GAS7: variants seen among roughly 807,000 people sequenced by gnomAD.
The protein encoded by GAS7 is growth arrest-specific protein 7.
GAS7 carries 28 observed loss-of-function variants against 71.1 expected under a neutral mutation model. That is an observed-to-expected ratio of 0.39 (90% CI 0.29 to 0.54). The LOEUF (loss-of-function observed/expected upper bound fraction) is 0.54. GAS7 is among the 20% of genes least tolerant of loss of function. The pLI, the probability that GAS7 is intolerant of heterozygous loss-of-function variation, is 0.62. For missense variants in GAS7, 436 were observed against 627.8 expected (o/e 0.69, Z 3.27); for synonymous variants, 258 against 245.8 (o/e 1.05, Z -0.46).
intron 1 of GAS7, among the ~76,000 whole-genome samples, chr17:10,028,926 G>A (rs538793354): frequency 3.9e-5 from 6 of 152,300 alleles, no homozygotes; most frequent in African/African-American, 1.2e-4. Context: ...CATGGATACT[G>A]GGTGTTCCTG....
intron 1 of GAS7, among the ~76,000 whole-genome samples, chr17:10,020,909 T>C (rs1450588147): frequency 1.3e-5 from 2 of 152,002 alleles, no homozygotes; most frequent in South Asian, 2.1e-4. Flanking sequence ...TGAGAGTCCA[T>C]CTCAAAACAA....
chr17:10,159,775 T>G (rs917121566), intron 1 of GAS7, among the ~76,000 whole-genome samples: 1 of 144,504 alleles, frequency 6.9e-6, no homozygotes, highest in African/African-American at 2.6e-5. Flanking sequence ...ACTATACACA[T>G]GAAGTGTGAC....
At chr17:10,062,058 G>A (rs1002720825) in intron 1 of GAS7, among the ~76,000 whole-genome samples, 2 of 152,216 alleles carry the variant, frequency 1.3e-5, no homozygotes, top group Non-Finnish European at 2.9e-5. Context: ...ACACTGACCA[G>A]GCTTCAGTTG....
At chr17:9,982,862 A>AAGAAAGC (rs2070480061) in intron 2 of GAS7, among the ~76,000 whole-genome samples, 1 of 143,594 alleles carries the variant, frequency 7.0e-6, no homozygotes, top group Admixed American at 6.9e-5. Flanking sequence ...AGAAAGAAAG[A>AAGAAAGC]AAGAAAGCAA....
intron 1 of GAS7, among the ~76,000 whole-genome samples, chr17:10,060,523 C>T (rs2073208684): frequency 6.6e-6 from 1 of 152,156 alleles, no homozygotes; most frequent in African/African-American, 2.4e-5. Flanking sequence ...TTCTGTACAC[C>T]TGGCCACCAC....
intron 2 of GAS7, among the ~76,000 whole-genome samples, chr17:9,985,875 T>G (rs1457397829): frequency 6.6e-6 from 1 of 152,220 alleles, no homozygotes; most frequent in Non-Finnish European, 1.5e-5. Flanking sequence ...TGCTGCTTCC[T>G]TCCTTCCCCG....
chr17:9,982,824 G>GAAAGAAAGAAAGAAAGAAAGAAA (rs59205668), intron 2 of GAS7, among the ~76,000 whole-genome samples: 49 of 116,256 alleles, frequency 4.2e-4, no homozygotes, highest in Middle Eastern at 4.5e-3. Context: ...AGGAAAGAAA[G>GAAAGAAAGAAAGAAAGAAAGAAA]GAAAGAAAGA....
intron 9 of GAS7, chr17:9,927,051 T>G (rs2068029413): frequency 2.7e-6 from 1 of 375,532 alleles, no homozygotes; most frequent in Non-Finnish European, 4.9e-6. Context: ...ACTACTTTTT[T>G]TCTGAGCTTC....
intron 1 of GAS7, among the ~76,000 whole-genome samples, chr17:10,084,654 A>C (rs1262703146): frequency 6.6e-6 from 1 of 152,124 alleles, no homozygotes; most frequent in Non-Finnish European, 1.5e-5. Flanking sequence ...TTTAGTAGAG[A>C]TGGGGTTTCA....
intron 1 of GAS7, among the ~76,000 whole-genome samples, chr17:10,106,578 G>A (rs1488317809): frequency 2.0e-5 from 3 of 152,068 alleles, no homozygotes; most frequent in Admixed American, 2.0e-4. Flanking sequence ...TAGAGCATTA[G>A]ACCTTCAACA....
At chr17:10,190,414 C>T (rs2142153563) in intron 1 of GAS7, among the ~76,000 whole-genome samples, 1 of 151,962 alleles carries the variant, frequency 6.6e-6, no homozygotes, top group African/African-American at 2.4e-5. Context: ...GAAACCCCAT[C>T]TCTATTAAAA....
In GAS7 at chr17:9,912,961, G is replaced by A. The variant is rs569842367; in HGVS notation, c.*4267C>T. ...GGGAAAGATGCCAGACTCAAAAGGC[G>A]ACATCAGTGTGACTCCATTTATATG... On this transcript the variant is annotated 3_prime_UTR_variant, in exon 14 of 14. Coordinates refer to ENST00000432992, the MANE Select transcript of GAS7 (RefSeq NM_201433.2). The A allele has an allele frequency of 6.4e-5, 15 of 232,948 alleles. No individual in the cohort carries two copies. Among genetic ancestry groups the A allele is most frequent in the South Asian group, 3.6e-4 (2 of 5,526 alleles). 14.4% of individuals were successfully genotyped at this position (232,948 alleles called of 1,614,324 possible). A position where few individuals can be genotyped will look rare whatever the true frequency, so the allele number is the denominator to read the frequency against.
intron 1 of GAS7, among the ~76,000 whole-genome samples, chr17:10,114,241 A>C (rs532325642): frequency 3.6e-4 from 55 of 152,240 alleles, no homozygotes; most frequent in Non-Finnish European, 6.9e-4. Context: ...TCAATGCTAC[A>C]GTCTCACTGG....
rs72809376 is a variant in GAS7 at position 10,137,311 on chromosome 17, G to C, written c.183+60897C>G. The stretch of plus-strand genomic sequence containing the variant: ...AGTTCTCTGCTCCAATGTCACCTCA[G>C]AGAGGTCTTTTCTGACTACCCCATT... On this transcript the variant is annotated intron_variant, in intron 1 of 13. Transcript: ENST00000432992. 6.2e-3 allele frequency among the ~76,000 whole-genome samples: 949 copies of C among 152,074 alleles called. 21 individuals are homozygous for C. The South Asian group carries it at 0.065, about 10-fold the overall frequency.
intron 2 of GAS7, among the ~76,000 whole-genome samples, chr17:9,985,288 C>T (rs2070602887): frequency 6.6e-6 from 1 of 152,172 alleles, no homozygotes. Flanking sequence ...AGCTCCTTTC[C>T]AACATGGCAC....
At position 9,910,750 on chromosome 17, in the gene GAS7, C is replaced by T; in HGVS notation, c.*6478G>A. 1 of 221,566 alleles carries T rather than the reference C, an allele frequency of 4.5e-6. No homozygotes were observed. The highest frequency in any genetic ancestry group is 6.6e-5 in the East Asian group (1 of 15,204). The allele number at this position is 221,566 out of a possible 1,614,324, so 13.7% of individuals were successfully genotyped here. ...AGGGGTCAGGGGGGTGGTGCGGGGG[C>T]AGGTGGGTTACAGCCTCCACTGGGA... On this transcript the variant is annotated 3_prime_UTR_variant, in exon 14 of 14. Transcript: ENST00000432992.
intron 2 of GAS7, among the ~76,000 whole-genome samples, chr17:9,998,026 T>C (rs527994366): frequency 5.3e-5 from 8 of 152,198 alleles, no homozygotes; most frequent in Non-Finnish European, 1.2e-4. Context: ...ATAGACACGA[T>C]TGATGTCATC....
intron 5 of GAS7, among the ~76,000 whole-genome samples, chr17:9,951,760 C>CAAAAAAAAAAAAA (rs59048492): frequency 5.8e-5 from 4 of 69,012 alleles, no homozygotes; most frequent in African/African-American, 9.2e-5. Flanking sequence ...AACTCTGTCT[C>CAAAAAAAAAAAAA]AAAAAAAAAA....
rs145348561 is a variant in GAS7, at chr17:9,936,129, T to C, written c.807-1885A>G. On this transcript the variant is annotated intron_variant, in intron 8 of 13. Transcript: ENST00000432992. ...GGAATCTCGGCCCTACCTCACACCA[T>C]ACACACAAATTATCTCAAGATGCCT... is the stretch of plus-strand genomic sequence containing the variant. Among the ~76,000 whole-genome samples, 713 of 152,266 alleles carry C rather than the reference T, an allele frequency of 4.7e-3. 4 individuals carry two copies. The highest frequency in any genetic ancestry group is 6.6e-3 in the Non-Finnish European group (451 of 68,012).
Sources: allele counts gnomAD v4.1 joint callset (sites outside exome capture counted in the v4.1 genomes callset), GRCh38; gene constraint gnomAD v4.1.1; transcripts MANE v1.5; gene names NCBI Gene and HGNC (gene_info 2026-07-23, HGNC 2026-07-21).